The following VPS51 variants were observed in gnomAD, a reference collection of about 807,000 sequenced individuals.
VPS51 encodes vacuolar protein sorting-associated protein 51 homolog.
A neutral mutation model predicts 65.1 loss-of-function variants in VPS51; 55 were observed. The observed-to-expected ratio is 0.84, with a 90% CI of 0.68 to 1.06. The LOEUF is 1.06. VPS51 is among the 50% of genes least tolerant of loss of function. VPS51 has a pLI of 0.00. For missense variants in VPS51, 943 were observed against 1,101.6 expected (o/e 0.86, Z 2.04); for synonymous variants, 473 against 489.5 (o/e 0.97, Z 0.44).
rs1179915597 is a variant in VPS51 at position 65,108,737 on chromosome 11, G to A, written c.1266G>A (p.Leu422=). The A allele has an allele frequency of 6.2e-7, 1 of 1,610,946 alleles. No homozygotes were observed. The highest frequency in any genetic ancestry group is 2.2e-5 in the East Asian group (1 of 44,858). The part of the protein sequence containing the change: ...QGLRAAFLGC[L]TDVRQALAAP... ...TCCGGGCGGCCTTCCTGGGCTGCCT[G>A]ACAGACGTCCGCCAGGCGCTGGCAG... The change falls in exon 5 of 10, where the codon CTG becomes CTA. Residue 422 remains leucine, a synonymous_variant. Transcript: ENST00000279281.
At position 65,111,649 on chromosome 11, in the gene VPS51, G is replaced by T. The variant is rs749868966; in HGVS notation, c.*62G>T. ...CCCATGGCACCCAGGATCTGGTCTCGGTGGTCCTTCCCCGCAGGCAGGTGT... is the reference window on the plus strand; with the variant it reads ...CCCATGGCACCCAGGATCTGGTCTCTGTGGTCCTTCCCCGCAGGCAGGTGT... On this transcript the variant is annotated 3_prime_UTR_variant, in exon 10 of 10. Coordinates refer to ENST00000279281, the MANE Select transcript of VPS51 (RefSeq NM_013265.4). 12 of 1,521,108 alleles carry T rather than the reference G, an allele frequency of 7.9e-6. No individual in the cohort carries two copies. The allele number at this position is 1,521,108 out of a possible 1,614,324, so 94.2% of individuals were successfully genotyped here.
rs144624856 is a variant in VPS51 at position 65,109,762 on chromosome 11, C to T, written c.1717C>T (p.Arg573Trp). ...TLCAEARETA[R>W]RLLTHYVKVQ... ...GTGTGCAGAGGCCAGGGAAACGGCG[C>T]GGCGGCTGCTGACCCACTACGTGAA... Residue 573 changes from arginine to tryptophan, a missense_variant, in exon 7 of 10, where the codon CGG becomes TGG. This residue lies in a region of VPS51 where 855 missense variants were observed against 953.7 expected (regional missense o/e 0.90). Coordinates refer to ENST00000279281, the MANE Select transcript of VPS51 (RefSeq NM_013265.4). The T allele has an allele frequency of 1.7e-5, 27 of 1,598,796 alleles. No individual in the cohort carries two copies. The highest frequency in any genetic ancestry group is 9.0e-5 in the South Asian group (8 of 88,748).
chr11:65,108,800 C>T lies in VPS51; in HGVS notation c.1329C>T (p.Ala443=), dbSNP rs149391431. 11 of 1,612,840 alleles carry T rather than the reference C, an allele frequency of 6.8e-6. No homozygotes were observed. The highest frequency in any genetic ancestry group is 6.7e-5 in the Admixed American group (4 of 60,014). ...CTGGGAAGGAGGGCCCTGGCCTGGC[C>T]GAGTTGCTGGCCAATGTGGCCAGCT... ...RVAGKEGPGL[A]ELLANVASSI... is the part of the protein sequence containing the mutation. The change falls in exon 5 of 10, where the codon GCC becomes GCT. Residue 443 remains alanine, a synonymous_variant. Coordinates refer to ENST00000279281, the MANE Select transcript of VPS51 (RefSeq NM_013265.4).
At chr11:65,109,150 G>T (rs1947868954) in intron 5 of VPS51, 130 bp from the exon 6 acceptor site, 2 of 1,135,682 alleles carry the variant, frequency 1.8e-6, no homozygotes, top group Admixed American at 2.7e-5. Context: ...CTGCTCCGGG[G>T]TACTTAGAAT....
chr11:65,096,778 C>G (rs1189893521), intron 1 of VPS51: 6 of 736,450 alleles, frequency 8.1e-6, no homozygotes, highest in Non-Finnish European at 1.3e-5. Context: ...AGGCCGAGCC[C>G]CAGGATTTCA....
chr11:65,111,282 C>CT (rs1163823097), intron 9 of VPS51, 45 bp from the exon 10 acceptor site: 1 of 1,598,486 alleles, frequency 6.3e-7, no homozygotes, highest in Admixed American at 1.7e-5. Context: ...GTCCCCCACA[C>CT]ACACCTGCAG....
In VPS51 at chr11:65,107,539, C is replaced by G. The variant is rs766500994; in HGVS notation, c.359-42C>G. 3.9e-6 allele frequency: 6 copies of G among 1,548,422 alleles called. No individual in the cohort carries two copies. The South Asian group carries it at 6.1e-5, about 16-fold the overall frequency. ...AGGAGCTGAGGTTGCGCCCGCCCTG[C>G]AGTCACCTGCTCTCCCCTTTTCCCC... On this transcript the variant is annotated intron_variant, in intron 2 of 9. Transcript: ENST00000279281. The surrounding 1 kb of genome is among the most constrained non-coding windows in gnomAD (Gnocchi z 4.0).
rs948509580 is a variant in VPS51 at position 65,096,549 on chromosome 11, C to G, written c.228+71C>G. ...AACCAGGCCCCTGCTATATTGCTCC[C>G]CCAGATCATGCCTCCGACTTTTTGT... On this transcript the variant is annotated intron_variant, in intron 1 of 9. Coordinates refer to ENST00000279281, the MANE Select transcript of VPS51 (RefSeq NM_013265.4). 2.3e-6 allele frequency: 3 copies of G among 1,304,396 alleles called. No homozygotes were observed. In the African/African-American group the frequency reaches 4.5e-5, roughly 20 times the overall value. The allele number at this position is 1,304,396 out of a possible 1,614,324, so 80.8% of individuals were successfully genotyped here.
In VPS51 at chr11:65,108,371, G is replaced by A. The variant is rs760025279; in HGVS notation, c.900G>A (p.Val300=). 1 of 1,612,312 alleles carries A rather than the reference G, an allele frequency of 6.2e-7. No individual in the cohort carries two copies. Among genetic ancestry groups the A allele is most frequent in the South Asian group, 1.1e-5 (1 of 91,078 alleles). The change falls in exon 5 of 10, where the codon GTG becomes GTA. Residue 300 remains valine (V), a synonymous_variant. Coordinates refer to ENST00000279281, the MANE Select transcript of VPS51 (RefSeq NM_013265.4). ...ELGPSPPAPD[V]LEFTDHGGSG... is the part of the protein sequence containing the mutation. The stretch of plus-strand genomic sequence containing the variant: ...GGCCCTCACCTCCGGCTCCCGACGT[G>A]TTAGAGTTCACCGACCATGGAGGCA...
At chr11:65,103,993 A>G (rs1404576485) in intron 2 of VPS51, among the ~76,000 whole-genome samples, 2 of 151,996 alleles carry the variant, frequency 1.3e-5, no homozygotes, top group Non-Finnish European at 2.9e-5. Flanking sequence ...CAGTGGCACA[A>G]TCTCAGCTCA....
At chr11:65,100,215 T>G (rs1167077264) in intron 2 of VPS51, among the ~76,000 whole-genome samples, 3 of 152,180 alleles carry the variant, frequency 2.0e-5, no homozygotes. Context: ...AAAAAGAACG[T>G]TTTTTAGCTC....
At chr11:65,103,784 A>T (rs566074962) in intron 2 of VPS51, among the ~76,000 whole-genome samples, 1 of 152,178 alleles carries the variant, frequency 6.6e-6, no homozygotes, top group Admixed American at 6.5e-5. Context: ...GTAAATGCTG[A>T]TCAGTTTGCA....
Position 65,111,534 on chromosome 11 carries a change from G to C in VPS51, c.2296G>C (p.Asp766His), listed in dbSNP as rs1947902295. Residue 766 changes from aspartate to histidine, a missense_variant, in exon 10 of 10, where the codon GAC becomes CAC. Asp to His is a moderately conservative substitution (Grantham distance 81). Around this residue, in one of 2 missense-constraint regions of VPS51, gnomAD observed 88 missense variants for 147.8 expected, o/e 0.60. Coordinates refer to ENST00000279281, the MANE Select transcript of VPS51 (RefSeq NM_013265.4). ...VVASAALRCPDPVPMEPSVVE... is the reference protein window; with the variant it reads ...VVASAALRCPHPVPMEPSVVE... ...GGCCTCTGCTGCCCTGCGCTGCCCAGACCCTGTGCCCATGGAGCCCAGTGT... is the reference window on the plus strand; with the variant it reads ...GGCCTCTGCTGCCCTGCGCTGCCCACACCCTGTGCCCATGGAGCCCAGTGT... 1 of 1,612,738 alleles carries C rather than the reference G, an allele frequency of 6.2e-7. No individual in the cohort carries two copies. Among genetic ancestry groups the C allele is most frequent in the South Asian group, 1.1e-5 (1 of 91,074 alleles).
Position 65,111,693 on chromosome 11 carries a change from C to CT in VPS51, c.*106_*107insT, listed in dbSNP as rs1947904828. ...CAGGTGTCAGGACCGGCCTAATAAA[C>CT]ATGTGTGGCCTCCTCCTCTCGCTTG... On this transcript the variant is annotated 3_prime_UTR_variant, in exon 10 of 10. Coordinates refer to ENST00000279281, the MANE Select transcript of VPS51 (RefSeq NM_013265.4). 1.4e-6 allele frequency: 2 copies of CT among 1,425,404 alleles called. No homozygotes were observed. Among genetic ancestry groups the CT allele is most frequent in the South Asian group, 2.9e-5 (2 of 70,128 alleles). The allele number at this position is 1,425,404 out of a possible 1,614,324, so 88.3% of individuals were successfully genotyped here.
chr11:65,096,375 G>A lies in VPS51; in HGVS notation c.125G>A (p.Gly42Asp), dbSNP rs1319997959. The change falls in exon 1 of 10, where the codon GGC becomes GAC. Residue 42 changes from glycine (G) to aspartate (D), a missense_variant. By Grantham distance (94) the Gly-to-Asp change is moderately conservative (BLOSUM62 -1). This residue lies in a region of VPS51 where 855 missense variants were observed against 953.7 expected (regional missense o/e 0.90). Transcript: ENST00000279281. Reference protein sequence around the residue: ...KAHGMLKLYYGLSEGEAAGRP... With the variant: ...KAHGMLKLYYDLSEGEAAGRP... ...CACGGGATGCTGAAGCTTTACTACG[G>A]CCTCTCGGAAGGGGAGGCGGCGGGA... is the stretch of plus-strand genomic sequence containing the variant. 1.3e-6 allele frequency: 2 copies of A among 1,534,874 alleles called. No homozygotes were observed. The highest frequency in any genetic ancestry group is 2.3e-5 in the Admixed American group (1 of 43,010).
Position 65,108,248 on chromosome 11 carries a change from G to A in VPS51, c.777G>A (p.Leu259=). 6.3e-7 allele frequency: 1 copy of A among 1,599,218 alleles called. No homozygotes were observed. Among genetic ancestry groups the A allele is most frequent in the Non-Finnish European group, 8.5e-7 (1 of 1,174,424 alleles). Residue 259 remains leucine, a synonymous_variant, in exon 5 of 10, where the codon CTG becomes CTA. Coordinates refer to ENST00000279281, the MANE Select transcript of VPS51 (RefSeq NM_013265.4). ...AGGCAGAGTGCGTGGAGCTGCTGCT[G>A]GCCCTGGGCGAGCCTGCGGAGGAGC... is the stretch of plus-strand genomic sequence containing the variant. The part of the protein sequence containing the change: ...PEQAECVELL[L]ALGEPAEELC...
intron 2 of VPS51, 22 bp downstream of exon 2, chr11:65,097,149 C>T: frequency 6.2e-7 from 1 of 1,613,350 alleles, no homozygotes; most frequent in Non-Finnish European, 8.5e-7. Flanking sequence ...GGGGACACAC[C>T]CTCCAAAGTC....
chr11:65,110,951 C>G (rs1947893487), intron 9 of VPS51, 170 bp downstream of exon 9: 1 of 745,752 alleles, frequency 1.3e-6, no homozygotes, highest in Non-Finnish European at 2.2e-6. Flanking sequence ...TGCCCTGCCT[C>G]CAAATCCCAC....
At chr11:65,096,518 G>GGGGTGGGGGC in intron 1 of VPS51, 40 bp downstream of exon 1, 9 of 499,390 alleles carry the variant, frequency 1.8e-5, no homozygotes, top group East Asian at 1.6e-4. Context: ...GGGGAGGGGG[G>GGGGTGGGGGC]AAGGGAACCA....
Sources: gnomAD v4.1 joint callset for allele counts (sites outside exome capture counted in the v4.1 genomes callset) on GRCh38, gnomAD v4.1.1 for gene constraint, gnomAD v4.1.1 regional missense constraint, Gnocchi (gnomAD v3.1) non-coding constraint, MANE v1.5 for transcripts, NCBI Gene and HGNC (gene_info 2026-07-23, HGNC 2026-07-21) for gene names.